Variants in C8orf34 observed in about 807,000 individuals in gnomAD.
C8orf34 encodes uncharacterized protein C8orf34.
A neutral mutation model predicts 68.3 loss-of-function variants in C8orf34; 65 were observed. That is an observed-to-expected ratio of 0.95 (90% CI 0.78 to 1.17). C8orf34 has a LOEUF of 1.17. C8orf34 is among the 50% of genes most tolerant of loss of function. The probability of loss-of-function intolerance (pLI) is 0.00; values close to 1 mark genes in which losing one functional copy is unlikely to be tolerated. For missense variants in C8orf34, 664 were observed against 655.4 expected (o/e 1.01, Z -0.14); for synonymous variants, 244 against 241.2 (o/e 1.01, Z -0.11).
chr8:68,521,769 T>C, intron 5 of C8orf34, 30 bp from the exon 6 acceptor site: 1 of 1,594,102 alleles, frequency 6.3e-7, no homozygotes, highest in East Asian at 2.2e-5. Flanking sequence ...AAAAGCCATC[T>C]AAGACAGCAT....
At chr8:68,399,365 A>G (rs1419649034) in intron 1 of C8orf34, among the ~76,000 whole-genome samples, 1 of 152,002 alleles carries the variant, frequency 6.6e-6, no homozygotes, top group African/African-American at 2.4e-5. Flanking sequence ...CTTTATGTCC[A>G]TGTGTACAGA....
chr8:68,769,013 C>G (rs1476589127), intron 10 of C8orf34, among the ~76,000 whole-genome samples: 1 of 151,822 alleles, frequency 6.6e-6, no homozygotes, highest in African/African-American at 2.4e-5. Context: ...TTGTCTAGAT[C>G]CTTAAAAGAC....
intron 10 of C8orf34, among the ~76,000 whole-genome samples, chr8:68,761,414 G>A (rs976512859): frequency 6.6e-6 from 1 of 151,998 alleles, no homozygotes; most frequent in Admixed American, 6.6e-5. Flanking sequence ...CTAGAGCAGT[G>A]CTCCCTTATT....
chr8:68,484,811 A>G (rs1813006701), intron 4 of C8orf34, among the ~76,000 whole-genome samples: 1 of 152,204 alleles, frequency 6.6e-6, no homozygotes. Flanking sequence ...AGAAGTTAAA[A>G]AAAATGCCCT....
Position 68,818,328 on chromosome 8 carries a change from A to C in C8orf34, c.*82A>C. On this transcript the variant is annotated 3_prime_UTR_variant, in exon 14 of 14. Transcript: ENST00000518698. ...ATGTATAGTTCTAATTTTATTTACTATGTGTAATCATTTAGAGAATGGTTA... is the reference window on the plus strand; with the variant it reads ...ATGTATAGTTCTAATTTTATTTACTCTGTGTAATCATTTAGAGAATGGTTA... 7.1e-7 allele frequency: 1 copy of C among 1,398,688 alleles called. No homozygotes were observed. Among genetic ancestry groups the C allele is most frequent in the Non-Finnish European group, 1.0e-6 (1 of 993,682 alleles). The allele number at this position is 1,398,688 out of a possible 1,614,324, so 86.6% of individuals were successfully genotyped here.
intron 1 of C8orf34, among the ~76,000 whole-genome samples, chr8:68,375,787 C>G (rs1012350416): frequency 6.6e-6 from 1 of 152,164 alleles, no homozygotes; most frequent in Non-Finnish European, 1.5e-5. Flanking sequence ...ACTTATATGC[C>G]TAGAACTGGG....
chr8:68,505,653 C>G lies in C8orf34; in HGVS notation c.766-16146C>G, dbSNP rs1470868040. 1.9e-5 allele frequency among the ~76,000 whole-genome samples: 2 copies of G among 106,134 alleles called. 1 individual carries two copies. The highest frequency in any genetic ancestry group is 3.5e-5 in the Non-Finnish European group (2 of 57,206). 69.6% of individuals were successfully genotyped at this position (106,134 alleles called of 152,430 possible). ...GGCTGAGGCAGGAGAATGGCGTGAACCCGGGAAGCGGAGCTTGCCGTGAGC... is the reference window on the plus strand; with the variant it reads ...GGCTGAGGCAGGAGAATGGCGTGAAGCCGGGAAGCGGAGCTTGCCGTGAGC... On this transcript the variant is annotated intron_variant, in intron 5 of 13. Transcript: ENST00000518698.
chr8:68,771,697 C>T (rs1209957433), intron 10 of C8orf34, among the ~76,000 whole-genome samples: 2 of 152,044 alleles, frequency 1.3e-5, no homozygotes, highest in Non-Finnish European at 2.9e-5. Flanking sequence ...AAGCACTATT[C>T]TTTCCACTTC....
At chr8:68,673,275 T>G (rs1055922525) in intron 8 of C8orf34, among the ~76,000 whole-genome samples, 1 of 151,746 alleles carries the variant, frequency 6.6e-6, no homozygotes, top group Non-Finnish European at 1.5e-5. Context: ...TTTTTCAGCT[T>G]AAGTACCAGC....
intron 7 of C8orf34, among the ~76,000 whole-genome samples, chr8:68,542,331 C>A (rs776957931): frequency 3.3e-5 from 5 of 152,238 alleles, no homozygotes; most frequent in Non-Finnish European, 7.3e-5. Flanking sequence ...GAATCCACAT[C>A]TAATAATATA....
intron 1 of C8orf34, among the ~76,000 whole-genome samples, chr8:68,404,291 T>C (rs954680239): frequency 2.6e-5 from 4 of 152,186 alleles, no homozygotes; most frequent in Non-Finnish European, 5.9e-5. Context: ...GTCAGATGGA[T>C]AGATTGCAAA....
rs148272199 is a variant in C8orf34, at chr8:68,420,565, A to C, written c.328-18934A>C. ...CACACACACATACACAAAACCAGGT[A>C]CAACATCAAGAGAAGCCAGTAGAAA... On this transcript the variant is annotated intron_variant, in intron 1 of 13. Coordinates refer to ENST00000518698, the MANE Select transcript of C8orf34 (RefSeq NM_052958.4). Among the ~76,000 whole-genome samples, 8 of 152,206 alleles carry C rather than the reference A, an allele frequency of 5.3e-5. No individual in the cohort carries two copies. In the East Asian group the frequency reaches 1.5e-3, roughly 29 times the overall value.
chr8:68,773,752 G>A (rs559077114), intron 10 of C8orf34, among the ~76,000 whole-genome samples: 2 of 152,090 alleles, frequency 1.3e-5, no homozygotes, highest in African/African-American at 4.8e-5. Flanking sequence ...CTTACAAATG[G>A]CAGTTACAAC....
At chr8:68,567,705 C>T in intron 7 of C8orf34, among the ~76,000 whole-genome samples, 1 of 143,738 alleles carries the variant, frequency 7.0e-6, no homozygotes, top group East Asian at 2.1e-4. Context: ...TGCCATTCTC[C>T]TGCCTCAGCC....
intron 10 of C8orf34, among the ~76,000 whole-genome samples, chr8:68,730,227 G>C (rs1821942015): frequency 6.6e-6 from 1 of 152,132 alleles, no homozygotes; most frequent in Non-Finnish European, 1.5e-5. Context: ...TTGAAAGATA[G>C]TGTTGGCAAA....
At chr8:68,595,431 GA>G (rs1267351851) in intron 7 of C8orf34, among the ~76,000 whole-genome samples, 1 of 151,958 alleles carries the variant, frequency 6.6e-6, no homozygotes, top group Non-Finnish European at 1.5e-5. Context: ...TGTTGCTATT[GA>G]AAAGTCTGAT....
chr8:68,628,448 A>T (rs1012385415), intron 7 of C8orf34, among the ~76,000 whole-genome samples: 1 of 152,132 alleles, frequency 6.6e-6, no homozygotes, highest in Admixed American at 6.5e-5. Flanking sequence ...TCCCCTTTTT[A>T]GGAACTATAG....
chr8:68,549,213 G>C (rs987238249), intron 7 of C8orf34, among the ~76,000 whole-genome samples: 4 of 151,712 alleles, frequency 2.6e-5, no homozygotes, highest in Non-Finnish European at 5.9e-5. Flanking sequence ...CCAGCCTCCA[G>C]AACTGTGAGA....
chr8:68,420,737 A>T (rs572752565), intron 1 of C8orf34, among the ~76,000 whole-genome samples: 16 of 152,334 alleles, frequency 1.1e-4, no homozygotes, highest in African/African-American at 3.1e-4. Flanking sequence ...TCTAAAATAA[A>T]AAATACATTA....
Sources: gnomAD v4.1 joint callset for allele counts (sites outside exome capture counted in the v4.1 genomes callset) on GRCh38, gnomAD v4.1.1 for gene constraint, MANE v1.5 for transcripts, NCBI Gene and HGNC (gene_info 2026-07-23, HGNC 2026-07-21) for gene names.